Variants in ABHD18 observed in about 807,000 individuals in gnomAD.
ABHD18 encodes the protein cardiolipin-specific deacylase, mitochondrial.
ABHD18 carries 55 observed loss-of-function variants against 65.9 expected under a neutral mutation model. The ratio of observed to expected loss-of-function variants is 0.84; its 90% CI spans 0.67 to 1.05. The LOEUF (loss-of-function observed/expected upper bound fraction) is 1.05. Among genes scored for constraint, ABHD18 ranks in the 50% least tolerant of loss-of-function variants. The pLI, the probability that ABHD18 is intolerant of heterozygous loss-of-function variation, is 0.00. For missense variants in ABHD18, 533 were observed against 558.5 expected (o/e 0.95, Z 0.46); for synonymous variants, 181 against 180.2 (o/e 1.00, Z -0.04).
At position 127,965,419 on chromosome 4, in the gene ABHD18, G is replaced by T; in HGVS notation, c.-205G>T. 1.8e-6 allele frequency: 1 copy of T among 561,580 alleles called. No individual in the cohort carries two copies. The highest frequency in any genetic ancestry group is 2.0e-5 in the South Asian group (1 of 49,488). The allele number at this position is 561,580 out of a possible 1,614,324, so 34.8% of individuals were successfully genotyped here. ...CGGGGCGTGTCCAAACTGCCGCGCC[G>T]CCCTGCTCCGGGTTTGTCTTCCTCC... On this transcript the variant is annotated 5_prime_UTR_variant, in exon 1 of 13. Coordinates refer to ENST00000645843, the MANE Select transcript of ABHD18 (RefSeq NM_001358451.3).
intron 10 of ABHD18, 80 bp from the exon 11 acceptor site, chr4:128,028,395 C>T (rs773484530): frequency 1.7e-5 from 18 of 1,090,452 alleles, no homozygotes; most frequent in Non-Finnish European, 2.2e-5. Flanking sequence ...GGACATTTGT[C>T]TTTTCTCTTT....
At chr4:127,978,196 A>T (rs11947194) in intron 1 of ABHD18, among the ~76,000 whole-genome samples, 3,702 of 152,206 alleles carry the variant, frequency 0.024, 131 homozygotes, top group African/African-American at 0.085. Flanking sequence ...TTTATGAAAG[A>T]CTTCTAGATT....
chr4:127,998,554 T>C (rs76139898), intron 4 of ABHD18, among the ~76,000 whole-genome samples: 4,531 of 151,626 alleles, frequency 0.03, 292 homozygotes, highest in East Asian at 0.26. Context: ...TTTTTTTTTT[T>C]TTAAGAGACT....
At chr4:127,973,632 G>A (rs1747282877) in intron 1 of ABHD18, among the ~76,000 whole-genome samples, 1 of 151,894 alleles carries the variant, frequency 6.6e-6, no homozygotes, top group South Asian at 2.1e-4. Flanking sequence ...AAAGGTGATT[G>A]GCTGTTATTC....
At chr4:128,035,497 G>A (rs964140154) in intron 12 of ABHD18, among the ~76,000 whole-genome samples, 1 of 152,030 alleles carries the variant, frequency 6.6e-6, no homozygotes, top group Non-Finnish European at 1.5e-5. Context: ...CACTTGAACC[G>A]GGAGGCAGAG....
intron 12 of ABHD18, chr4:128,030,895 G>C (rs967801581): frequency 4.0e-5 from 50 of 1,240,476 alleles, no homozygotes; most frequent in Non-Finnish European, 4.8e-5. Flanking sequence ...TTATAGGCAT[G>C]CTTTATCGTG....
chr4:127,977,878 T>G (rs11942726), intron 1 of ABHD18, among the ~76,000 whole-genome samples: 15,164 of 152,090 alleles, frequency 0.1, 1,549 homozygotes, highest in East Asian at 0.27. Flanking sequence ...GTAGCAGAAT[T>G]TGTGTAGTAA....
rs1362328263 is a variant in ABHD18, at chr4:128,021,292, T to C, written c.801+54T>C. The C allele has an allele frequency of 9.5e-6, 10 of 1,048,474 alleles. No individual in the cohort carries two copies. In the East Asian group the frequency reaches 2.1e-4, roughly 22 times the overall value. 64.9% of individuals were successfully genotyped at this position (1,048,474 alleles called of 1,614,324 possible). A position where few individuals can be genotyped will look rare whatever the true frequency, so the allele number is the denominator to read the frequency against. On this transcript the variant is annotated intron_variant, in intron 10 of 12. Coordinates refer to ENST00000645843, the MANE Select transcript of ABHD18 (RefSeq NM_001358451.3). ...GGTGGTGGGGGGAGTTGATTGTATA[T>C]TTAATGATTCAGGTTTTTAAAGAGA...
In ABHD18 at chr4:128,030,502, A is replaced by T; in HGVS notation, c.1181-8A>T. The T allele has an allele frequency of 6.6e-7, 1 of 1,518,714 alleles. No homozygotes were observed. The highest frequency in any genetic ancestry group is 8.8e-7 in the Non-Finnish European group (1 of 1,140,132). The allele number at this position is 1,518,714 out of a possible 1,614,324, so 94.1% of individuals were successfully genotyped here. On this transcript the variant is annotated splice_region_variant and splice_polypyrimidine_tract_variant and intron_variant, in intron 11 of 12. Transcript: ENST00000645843. The stretch of plus-strand genomic sequence containing the variant: ...TATATGTTGAATTTTTAAAAATCCT[A>T]TACCTAGTCCCAGTTGATCCAAGCC...
chr4:128,007,830 T>G (rs1273573052), intron 4 of ABHD18, among the ~76,000 whole-genome samples: 1 of 152,030 alleles, frequency 6.6e-6, no homozygotes. Flanking sequence ...CTTGTAAGTA[T>G]CAACATCTTA....
Position 127,982,997 on chromosome 4 carries a change from C to A in ABHD18, c.42C>A (p.Leu14=). The A allele has an allele frequency of 6.4e-7, 1 of 1,565,786 alleles. No individual in the cohort carries two copies. The highest frequency in any genetic ancestry group is 2.3e-5 in the East Asian group (1 of 42,772). The part of the protein sequence containing the change: ...SKLDILYRRL[L]LTKLFIRGWG... ...TAGATATTCTATACCGGAGACTTCT[C>A]CTAACAAAACTTTTTATCAGAGGAT... Residue 14 remains leucine, a synonymous_variant, in exon 2 of 13, where the codon CTC becomes CTA. Transcript: ENST00000645843.
rs1362997402 is a variant in ABHD18 at position 128,038,112 on chromosome 4, T to G, written c.*2299T>G. The G allele has an allele frequency of 2.6e-5, 4 of 152,192 alleles. No individual in the cohort carries two copies. The highest frequency in any genetic ancestry group is 9.6e-5 in the African/African-American group (4 of 41,456). 9.4% of individuals were successfully genotyped at this position (152,192 alleles called of 1,614,324 possible). A position where few individuals can be genotyped will look rare whatever the true frequency, so the allele number is the denominator to read the frequency against. On this transcript the variant is annotated 3_prime_UTR_variant, in exon 13 of 13. Coordinates refer to ENST00000645843, the MANE Select transcript of ABHD18 (RefSeq NM_001358451.3). The stretch of plus-strand genomic sequence containing the variant: ...CACCTCTATGCCTCTATCATCTTAA[T>G]TTTTTACAAATATTTAAAAATTATT...
At chr4:128,015,043 C>T (rs1755246096) in intron 7 of ABHD18, among the ~76,000 whole-genome samples, 1 of 150,748 alleles carries the variant, frequency 6.6e-6, no homozygotes, top group Non-Finnish European at 1.5e-5. Context: ...CCCCATTGCA[C>T]TCCAGCTTGA....
In ABHD18 at chr4:128,038,463, T is replaced by C. The variant is rs1221360364; in HGVS notation, c.*2650T>C. On this transcript the variant is annotated 3_prime_UTR_variant, in exon 13 of 13. Coordinates refer to ENST00000645843, the MANE Select transcript of ABHD18 (RefSeq NM_001358451.3). ...TTTCTTACTAAGCAATAATGTACTATGTTGTGTGAATTTCTATTGTTAAAA... is the reference window on the plus strand; with the variant it reads ...TTTCTTACTAAGCAATAATGTACTACGTTGTGTGAATTTCTATTGTTAAAA... The C allele has an allele frequency of 6.6e-6, 1 of 152,218 alleles. No homozygotes were observed. Among genetic ancestry groups the C allele is most frequent in the African/African-American group, 2.4e-5 (1 of 41,470 alleles). 9.4% of individuals were successfully genotyped at this position (152,218 alleles called of 1,614,324 possible). A position where few individuals can be genotyped will look rare whatever the true frequency, so the allele number is the denominator to read the frequency against.
At chr4:127,976,742 G>C (rs1188321352) in intron 1 of ABHD18, among the ~76,000 whole-genome samples, 3 of 152,126 alleles carry the variant, frequency 2.0e-5, no homozygotes, top group Admixed American at 2.0e-4. Context: ...AGTATAAGTT[G>C]TTTTTAAAAT....
chr4:127,991,863 A>G (rs994817652), intron 4 of ABHD18, among the ~76,000 whole-genome samples: 7 of 152,222 alleles, frequency 4.6e-5, no homozygotes, highest in African/African-American at 7.2e-5. Flanking sequence ...TCAGAACCCT[A>G]TAAATGAATC....
intron 6 of ABHD18, 143 bp from the exon 7 acceptor site, chr4:128,011,530 G>A: frequency 2.7e-6 from 1 of 375,364 alleles, no homozygotes; most frequent in Non-Finnish European, 4.5e-6. Context: ...GAAAACTTAA[G>A]AACTTCTAAA....
At chr4:127,989,189 T>C (rs1237942967) in intron 3 of ABHD18, among the ~76,000 whole-genome samples, 1 of 152,166 alleles carries the variant, frequency 6.6e-6, no homozygotes, top group Non-Finnish European at 1.5e-5. Context: ...ACAAATTTCA[T>C]GTGTTTTCAC....
chr4:128,009,089 G>C lies in ABHD18; in HGVS notation c.358-18G>C, dbSNP rs747951881. Reference sequence around the variant, plus strand: ...GGCTACTATATTCTTTTGAGTATGTGTTCTTTTCTTTCCTTAGCATTACTG... The same window carrying C: ...GGCTACTATATTCTTTTGAGTATGTCTTCTTTTCTTTCCTTAGCATTACTG... On this transcript the variant is annotated intron_variant, in intron 5 of 12. Coordinates refer to ENST00000645843, the MANE Select transcript of ABHD18 (RefSeq NM_001358451.3). 11 of 1,584,572 alleles carry C rather than the reference G, an allele frequency of 6.9e-6. No individual in the cohort carries two copies. The highest frequency in any genetic ancestry group is 9.4e-6 in the Non-Finnish European group (11 of 1,170,742).
Sources: gnomAD v4.1 joint callset for allele counts (sites outside exome capture counted in the v4.1 genomes callset) on GRCh38, gnomAD v4.1.1 for gene constraint, MANE v1.5 for transcripts, NCBI Gene and HGNC (gene_info 2026-07-23, HGNC 2026-07-21) for gene names.